The following KLF12 variants were observed in gnomAD, a reference collection of about 807,000 sequenced individuals.
KLF12 encodes Krueppel-like factor 12.
A neutral mutation model predicts 37.8 loss-of-function variants in KLF12; 9 were observed. The observed-to-expected ratio is 0.24, with a 90% confidence interval of 0.14 to 0.42. The LOEUF (loss-of-function observed/expected upper bound fraction) is 0.42, where lower values mean the gene tolerates loss of function less well. Among genes scored for constraint, KLF12 ranks in the 10% least tolerant of loss-of-function variants. KLF12 has a pLI of 1.00. For missense variants in KLF12, 411 were observed against 516.0 expected, an observed-to-expected ratio of 0.80 and a Z score of 1.97; for synonymous variants, 208 against 202.1, an observed-to-expected ratio of 1.03 and a Z score of -0.25.
chr13:73,950,493 A>G (rs994787004), intron 2 of KLF12, among the ~76,000 whole-genome samples: 1 of 152,150 alleles, frequency 6.6e-6, no homozygotes, highest in Non-Finnish European at 1.5e-5. Flanking sequence ...TGTCATTCAT[A>G]CTCTGAAAAA....
chr13:73,765,226 T>C (rs1409139755), intron 5 of KLF12, among the ~76,000 whole-genome samples: 1 of 152,142 alleles, frequency 6.6e-6, no homozygotes, highest in East Asian at 1.9e-4. Context: ...TGTCATAATG[T>C]TCACTCTGAA....
chr13:73,742,723 T>A (rs1878090668), intron 6 of KLF12, among the ~76,000 whole-genome samples: 1 of 152,160 alleles, frequency 6.6e-6, no homozygotes, highest in African/African-American at 2.4e-5. Flanking sequence ...TTAAGTAGAT[T>A]AAGTTTGACC....
At chr13:73,735,272 T>C (rs1436671323) in intron 6 of KLF12, among the ~76,000 whole-genome samples, 2 of 152,128 alleles carry the variant, frequency 1.3e-5, no homozygotes, top group African/African-American at 4.8e-5. Context: ...CACTCCAGTC[T>C]GGGTGACAGG....
At chr13:74,179,553 C>T in the KLF12 span, among the ~76,000 whole-genome samples, 23 of 152,232 alleles carry the variant, frequency 1.5e-4, no homozygotes, top group East Asian at 3.5e-3. Context: ...TTAGGCTATA[C>T]GTTAGGGAAA....
At chr13:74,019,067 A>G (rs1336632981) in intron 1 of KLF12, among the ~76,000 whole-genome samples, 1 of 152,228 alleles carries the variant, frequency 6.6e-6, no homozygotes, top group African/African-American at 2.4e-5. Context: ...ATAATAACAT[A>G]TTAGAGGTCT....
intron 1 of KLF12, among the ~76,000 whole-genome samples, chr13:74,049,787 C>A (rs1872787043): frequency 6.6e-6 from 1 of 152,018 alleles, no homozygotes; most frequent in Non-Finnish European, 1.5e-5. Context: ...ATAGGGGATC[C>A]CTTGCTCTTC....
chr13:73,812,022 G>A (rs1882965551), intron 5 of KLF12, among the ~76,000 whole-genome samples: 1 of 152,074 alleles, frequency 6.6e-6, no homozygotes, highest in Admixed American at 6.6e-5. Context: ...AGAGGTAAAG[G>A]TAACTAAGAT....
chr13:74,248,690 C>T, the KLF12 span, among the ~76,000 whole-genome samples: 3 of 152,112 alleles, frequency 2.0e-5, no homozygotes, highest in East Asian at 1.9e-4. Flanking sequence ...GTGGCTCACC[C>T]GAGACCAGTC....
At chr13:73,766,175 G>T (rs898536121) in intron 5 of KLF12, among the ~76,000 whole-genome samples, 4 of 152,178 alleles carry the variant, frequency 2.6e-5, no homozygotes, top group African/African-American at 4.8e-5. Context: ...TGCTCGGCAT[G>T]GGGGAGGGGG....
At chr13:73,810,982 C>CTTTTTTTTTTTTTT (rs376490803) in intron 5 of KLF12, among the ~76,000 whole-genome samples, 1 of 44,808 alleles carries the variant, frequency 2.2e-5, no homozygotes, top group African/African-American at 8.4e-5. Context: ...ATTTTTCTTT[C>CTTTTTTTTTTTTTT]TTTTTTTTTT....
At chr13:74,124,477 T>C (rs1207375490) in intron 1 of KLF12, among the ~76,000 whole-genome samples, 1 of 152,204 alleles carries the variant, frequency 6.6e-6, no homozygotes, top group Non-Finnish European at 1.5e-5. Context: ...AAAAGATTTT[T>C]TTGTCAAAGT....
chr13:74,305,149 T>G, the KLF12 span, among the ~76,000 whole-genome samples: 1 of 152,248 alleles, frequency 6.6e-6, no homozygotes, highest in Admixed American at 6.5e-5. Context: ...AATTGTTTTC[T>G]GTACTTCATG....
At chr13:73,850,741 G>A (rs1392434249) in intron 3 of KLF12, among the ~76,000 whole-genome samples, 8 of 152,148 alleles carry the variant, frequency 5.3e-5, no homozygotes, top group African/African-American at 1.9e-4. Flanking sequence ...ACACAAGATG[G>A]TCCCAGCTAT....
At chr13:74,254,675 G>T in the KLF12 span, among the ~76,000 whole-genome samples, 2 of 152,128 alleles carry the variant, frequency 1.3e-5, no homozygotes, top group Non-Finnish European at 2.9e-5. Flanking sequence ...AGCCTCTTCC[G>T]TGTGATGTGA....
At chr13:73,836,788 C>T (rs927768210) in intron 4 of KLF12, among the ~76,000 whole-genome samples, 2 of 152,016 alleles carry the variant, frequency 1.3e-5, no homozygotes, top group Non-Finnish European at 2.9e-5. Flanking sequence ...TCAGAGAAAA[C>T]TTTTCAGGTT....
chr13:73,758,300 T>C (rs1326991933), intron 6 of KLF12, among the ~76,000 whole-genome samples: 3 of 152,196 alleles, frequency 2.0e-5, no homozygotes, highest in South Asian at 4.1e-4. Flanking sequence ...AGCAGTAGTT[T>C]AAGCAGCTTT....
intron 3 of KLF12, among the ~76,000 whole-genome samples, chr13:73,869,667 GC>G (rs1886373170): frequency 6.6e-6 from 1 of 151,472 alleles, no homozygotes; most frequent in Non-Finnish European, 1.5e-5. Context: ...AATATACTCA[GC>G]ATATAACATA....
intron 5 of KLF12, among the ~76,000 whole-genome samples, chr13:73,785,244 A>C (rs1881268139): frequency 6.6e-6 from 1 of 151,908 alleles, no homozygotes; most frequent in East Asian, 1.9e-4. Context: ...GACACCAAGT[A>C]GCTGGAACTA....
At chr13:74,077,144 T>C (rs1369078592) in intron 1 of KLF12, among the ~76,000 whole-genome samples, 4 of 152,192 alleles carry the variant, frequency 2.6e-5, no homozygotes, top group Non-Finnish European at 5.9e-5. Flanking sequence ...TAATTTGTAT[T>C]CCTCTGGGTA....
Sources: allele counts gnomAD v4.1 joint callset (sites outside exome capture counted in the v4.1 genomes callset), GRCh38; gene constraint gnomAD v4.1.1; transcripts MANE v1.5; gene names NCBI Gene and HGNC (gene_info 2026-07-23, HGNC 2026-07-21).